Variants in EXOC6B observed in about 807,000 individuals in gnomAD.
The protein encoded by EXOC6B is SEC15 homolog B.
In EXOC6B, 54 loss-of-function variants were observed where a neutral mutation model predicts 113.5. The ratio of observed to expected loss-of-function variants is 0.48; its 90% CI spans 0.38 to 0.60. EXOC6B has a LOEUF of 0.60. Ranked by LOEUF, EXOC6B falls within the 20% of genes least tolerant of loss-of-function variation. The probability of loss-of-function intolerance (pLI) is 0.00; values close to 1 mark genes in which losing one functional copy is unlikely to be tolerated. For missense variants in EXOC6B, 797 were observed against 977.5 expected (o/e 0.82, Z 2.46); for synonymous variants, 357 against 339.0 (o/e 1.05, Z -0.58).
At chr2:72,645,989 T>C (rs1382052513) in intron 6 of EXOC6B, among the ~76,000 whole-genome samples, 1 of 151,948 alleles carries the variant, frequency 6.6e-6, no homozygotes, top group African/African-American at 2.4e-5. Context: ...TTCAAAAAAA[T>C]CAGTGAATCC....
chr2:72,453,765 G>T (rs528796253), intron 18 of EXOC6B, among the ~76,000 whole-genome samples: 2 of 152,252 alleles, frequency 1.3e-5, no homozygotes, highest in East Asian at 3.9e-4. Context: ...CACAACTTTA[G>T]CATCAATAAG....
At chr2:72,443,054 C>T (rs1450869693) in intron 18 of EXOC6B, among the ~76,000 whole-genome samples, 10 of 151,976 alleles carry the variant, frequency 6.6e-5, no homozygotes, top group African/African-American at 1.7e-4. Context: ...AGGCAGGGCG[C>T]GGTGCCTCAC....
chr2:72,613,650 G>A (rs1671212462), intron 6 of EXOC6B, among the ~76,000 whole-genome samples: 2 of 151,508 alleles, frequency 1.3e-5, no homozygotes, highest in South Asian at 4.2e-4. Flanking sequence ...TATGAAACTA[G>A]CAACATATAT....
intron 20 of EXOC6B, among the ~76,000 whole-genome samples, chr2:72,207,475 T>C (rs1317597082): frequency 6.6e-6 from 1 of 152,212 alleles, no homozygotes; most frequent in Non-Finnish European, 1.5e-5. Context: ...GGCATGCATA[T>C]TGAAATAGTT....
At chr2:72,783,636 CTA>C (rs1378828663) in intron 1 of EXOC6B, among the ~76,000 whole-genome samples, 1 of 151,996 alleles carries the variant, frequency 6.6e-6, no homozygotes, top group Non-Finnish European at 1.5e-5. Flanking sequence ...TTGGTCATTT[CTA>C]TGTCTCCTTT....
At chr2:72,642,745 A>G (rs1192143430) in intron 6 of EXOC6B, among the ~76,000 whole-genome samples, 1 of 151,412 alleles carries the variant, frequency 6.6e-6, no homozygotes, top group Admixed American at 6.6e-5. Flanking sequence ...AATGGCAACA[A>G]AAGACAAAAT....
chr2:72,699,824 C>CATGGTTCAAGATAGCTTTTA (rs1177794839), intron 6 of EXOC6B, among the ~76,000 whole-genome samples: 1 of 152,122 alleles, frequency 6.6e-6, no homozygotes, highest in Non-Finnish European at 1.5e-5. Context: ...CTAAGACCAC[C>CATGGTTCAAGATAGCTTTTA]ATGGTTCAAG....
At chr2:72,602,255 A>C (rs1670479743) in intron 6 of EXOC6B, among the ~76,000 whole-genome samples, 1 of 152,214 alleles carries the variant, frequency 6.6e-6, no homozygotes, top group Non-Finnish European at 1.5e-5. Context: ...GGTCAGCTTA[A>C]GTGCATGATT....
At chr2:72,771,238 ATTG>A (rs1254364984) in intron 1 of EXOC6B, among the ~76,000 whole-genome samples, 1 of 152,200 alleles carries the variant, frequency 6.6e-6, no homozygotes, top group Non-Finnish European at 1.5e-5. Context: ...ATTCTTTATA[ATTG>A]TTGTAATTTT....
intron 6 of EXOC6B, among the ~76,000 whole-genome samples, chr2:72,583,137 C>A (rs1705334484): frequency 6.6e-6 from 1 of 152,066 alleles, no homozygotes; most frequent in African/African-American, 2.4e-5. Context: ...TAACCTAACC[C>A]AGCCAGACAA....
chr2:72,375,162 A>G (rs1410720920), intron 19 of EXOC6B, among the ~76,000 whole-genome samples: 1 of 152,174 alleles, frequency 6.6e-6, no homozygotes, highest in African/African-American at 2.4e-5. Flanking sequence ...ACAGAGCTTC[A>G]AAATGCATTA....
intron 20 of EXOC6B, among the ~76,000 whole-genome samples, chr2:72,226,670 A>T (rs1294989296): frequency 2.0e-5 from 3 of 152,166 alleles, no homozygotes; most frequent in Admixed American, 2.0e-4. Context: ...TTACAGAAAA[A>T]GTGTGAATTT....
chr2:72,342,531 G>A (rs1689091767), intron 19 of EXOC6B, among the ~76,000 whole-genome samples: 1 of 152,036 alleles, frequency 6.6e-6, no homozygotes, highest in South Asian at 2.1e-4. Context: ...AAAAATACAA[G>A]ATATAATGAA....
intron 20 of EXOC6B, among the ~76,000 whole-genome samples, chr2:72,334,219 C>A (rs771767901): frequency 6.6e-6 from 1 of 152,090 alleles, no homozygotes; most frequent in Admixed American, 6.6e-5. Flanking sequence ...GGCCCCCGCT[C>A]ACCCTGTTCC....
intron 18 of EXOC6B, among the ~76,000 whole-genome samples, chr2:72,385,675 T>G (rs1162305367): frequency 1.3e-5 from 2 of 151,666 alleles, no homozygotes; most frequent in Non-Finnish European, 2.9e-5. Flanking sequence ...AGAAAAGAAA[T>G]AAACTGATTA....
chr2:72,719,535 C>A (rs991251786), intron 5 of EXOC6B, among the ~76,000 whole-genome samples: 3 of 152,098 alleles, frequency 2.0e-5, no homozygotes, highest in Non-Finnish European at 4.4e-5. Context: ...TAGACAGGCA[C>A]GTGGGAAACC....
At chr2:72,397,665 T>C (rs927532000) in intron 18 of EXOC6B, among the ~76,000 whole-genome samples, 27 of 148,576 alleles carry the variant, frequency 1.8e-4, no homozygotes, top group African/African-American at 6.6e-4. Context: ...TAAAATTATA[T>C]ATATATACAC....
chr2:72,371,539 A>G (rs1691016745), intron 19 of EXOC6B, among the ~76,000 whole-genome samples: 2 of 152,206 alleles, frequency 1.3e-5, no homozygotes, highest in African/African-American at 4.8e-5. Flanking sequence ...AACATACACA[A>G]GTCAATCAAT....
At chr2:72,366,520 A>T (rs1288706401) in intron 19 of EXOC6B, among the ~76,000 whole-genome samples, 1 of 152,120 alleles carries the variant, frequency 6.6e-6, no homozygotes, top group Non-Finnish European at 1.5e-5. Flanking sequence ...GATAGAAAAG[A>T]TATTCAAAGA....
Sources: gnomAD v4.1 joint callset for allele counts (sites outside exome capture counted in the v4.1 genomes callset) on GRCh38, gnomAD v4.1.1 for gene constraint, MANE v1.5 for transcripts, NCBI Gene and HGNC (gene_info 2026-07-23, HGNC 2026-07-21) for gene names.